The following RAB28 variants were observed in gnomAD, a reference collection of about 807,000 sequenced individuals.
The protein encoded by RAB28 is ras-related protein Rab-28.
Under a neutral mutation model 31.7 loss-of-function variants are expected in RAB28, and 24 were observed. The ratio of observed to expected loss-of-function variants is 0.76; its 90% CI spans 0.55 to 1.06. The LOEUF is 1.06. Among genes scored for constraint, RAB28 ranks in the 50% least tolerant of loss-of-function variants. The probability of loss-of-function intolerance (pLI) is 0.00; values close to 1 mark genes in which losing one functional copy is unlikely to be tolerated. For synonymous variants in RAB28, 100 were observed against 90.4 expected, an observed-to-expected ratio of 1.11 and a Z score of -0.60; for missense variants, 254 against 258.5, an observed-to-expected ratio of 0.98 and a Z score of 0.12.
chr4:13,370,355 A>C (rs1331394079), intron 6 of RAB28: 3 of 944,562 alleles, frequency 3.2e-6, no homozygotes, highest in African/African-American at 1.8e-5. Context: ...AAGTGCAATA[A>C]AAGGATTAAT....
chr4:13,393,483 G>A (rs559738939), intron 4 of RAB28, among the ~76,000 whole-genome samples: 1 of 152,156 alleles, frequency 6.6e-6, no homozygotes, highest in African/African-American at 2.4e-5. Context: ...ATATATATAA[G>A]CACAAAAAGG....
chr4:13,423,598 T>A (rs927371364), intron 4 of RAB28, among the ~76,000 whole-genome samples: 1 of 152,128 alleles, frequency 6.6e-6, no homozygotes, highest in African/African-American at 2.4e-5. Flanking sequence ...CCATACTCAT[T>A]CATTAGGTAT....
intron 4 of RAB28, among the ~76,000 whole-genome samples, chr4:13,408,968 G>C (rs1162850336): frequency 6.6e-6 from 1 of 152,132 alleles, no homozygotes; most frequent in African/African-American, 2.4e-5. Context: ...TGCATGCTAA[G>C]AAGTTATGAA....
At chr4:13,436,421 T>A (rs930031006) in intron 4 of RAB28, among the ~76,000 whole-genome samples, 1 of 152,184 alleles carries the variant, frequency 6.6e-6, no homozygotes, top group Non-Finnish European at 1.5e-5. Context: ...AAACTGTCAC[T>A]GTTCACCAAC....
intron 4 of RAB28, among the ~76,000 whole-genome samples, chr4:13,426,865 T>G (rs1713525765): frequency 6.6e-6 from 1 of 152,162 alleles, no homozygotes; most frequent in African/African-American, 2.4e-5. Context: ...ATGAGAATAT[T>G]TTCACCCATA....
At chr4:13,378,681 G>T (rs1361334609) in intron 5 of RAB28, among the ~76,000 whole-genome samples, 1 of 152,110 alleles carries the variant, frequency 6.6e-6, no homozygotes, top group South Asian at 2.1e-4. Context: ...AGATAAATGG[G>T]ACTAGTACAC....
intron 4 of RAB28, among the ~76,000 whole-genome samples, chr4:13,423,124 G>T (rs181652750): frequency 5.3e-5 from 8 of 152,254 alleles, no homozygotes; most frequent in Admixed American, 2.0e-4. Context: ...ATATGAAAAA[G>T]CAAACAAAGC....
intron 4 of RAB28, among the ~76,000 whole-genome samples, chr4:13,398,533 C>T (rs1711568366): frequency 6.6e-6 from 1 of 152,148 alleles, no homozygotes; most frequent in Non-Finnish European, 1.5e-5. Context: ...AAGCCCAGCA[C>T]TTTGGGAGGC....
chr4:13,480,195 T>C (rs770345153), intron 1 of RAB28, among the ~76,000 whole-genome samples: 1 of 151,738 alleles, frequency 6.6e-6, no homozygotes. Context: ...CCAGAACAGA[T>C]ATACATTTGT....
At chr4:13,440,817 T>A (rs147749942) in intron 4 of RAB28, among the ~76,000 whole-genome samples, 2 of 151,726 alleles carry the variant, frequency 1.3e-5, no homozygotes, top group Non-Finnish European at 2.9e-5. Context: ...TAATTCACTA[T>A]GACTAGCGCT....
At chr4:13,463,006 A>T (rs1176147870) in intron 3 of RAB28, among the ~76,000 whole-genome samples, 2 of 152,210 alleles carry the variant, frequency 1.3e-5, no homozygotes, top group Non-Finnish European at 2.9e-5. Flanking sequence ...CTTGGGCAAC[A>T]TTCGTTACCT....
At chr4:13,458,216 CCATTTT>C (rs1481100228) in intron 4 of RAB28, among the ~76,000 whole-genome samples, 1 of 152,030 alleles carries the variant, frequency 6.6e-6, no homozygotes, top group East Asian at 1.9e-4. Flanking sequence ...ATATGTAATA[CCATTTT>C]CCAGAGTGTA....
chr4:13,462,875 T>C (rs1715665697), intron 3 of RAB28, among the ~76,000 whole-genome samples: 1 of 152,154 alleles, frequency 6.6e-6, no homozygotes, highest in African/African-American at 2.4e-5. Flanking sequence ...CTGAAGAAGA[T>C]TAATCTTCAA....
chr4:13,415,212 G>C (rs2108913582), intron 4 of RAB28, among the ~76,000 whole-genome samples: 2 of 152,326 alleles, frequency 1.3e-5, no homozygotes, highest in Admixed American at 1.3e-4. Context: ...CTGAAAATAT[G>C]TAAGTAGTAT....
intron 4 of RAB28, among the ~76,000 whole-genome samples, chr4:13,405,039 A>T (rs1711997651): frequency 1.3e-5 from 2 of 152,066 alleles, no homozygotes; most frequent in Non-Finnish European, 2.9e-5. Context: ...TTTTTAAAAG[A>T]TCCAACATAT....
At chr4:13,393,868 A>AC (rs1454751343) in intron 4 of RAB28, among the ~76,000 whole-genome samples, 3 of 151,852 alleles carry the variant, frequency 2.0e-5, no homozygotes, top group Non-Finnish European at 4.4e-5. Context: ...AAAAAAAAAA[A>AC]AAAAAACAGT....
chr4:13,481,745 G>T (rs1041044848), intron 1 of RAB28, among the ~76,000 whole-genome samples: 1 of 152,074 alleles, frequency 6.6e-6, no homozygotes, highest in African/African-American at 2.4e-5. Context: ...TTCTCTTGGA[G>T]AAACTGTTAG....
chr4:13,470,872 C>A (rs911748195), intron 3 of RAB28, among the ~76,000 whole-genome samples: 3 of 152,074 alleles, frequency 2.0e-5, no homozygotes, highest in African/African-American at 7.2e-5. Flanking sequence ...TTCATCAACA[C>A]TTTCAACAGG....
chr4:13,462,266 G>A (rs1049844824), intron 3 of RAB28, among the ~76,000 whole-genome samples: 1 of 152,162 alleles, frequency 6.6e-6, no homozygotes. Context: ...GCTAGCCTGC[G>A]GTCATTTTTA....
Sources: allele counts gnomAD v4.1 joint callset (sites outside exome capture counted in the v4.1 genomes callset), GRCh38; gene constraint gnomAD v4.1.1; transcripts MANE v1.5; gene names NCBI Gene and HGNC (gene_info 2026-07-23, HGNC 2026-07-21).